PCNX4: variants seen among roughly 807,000 people sequenced by gnomAD.
The protein encoded by PCNX4 is pecanex-like protein 4.
Under a neutral mutation model 107.2 loss-of-function variants are expected in PCNX4, and 103 were observed. The ratio of observed to expected loss-of-function variants is 0.96; its 90% CI spans 0.82 to 1.13. PCNX4 has a LOEUF of 1.13. Ranked by LOEUF, PCNX4 falls within the 50% of genes most tolerant of loss-of-function variation. PCNX4 has a pLI of 0.00. For missense variants in PCNX4, 1,528 were observed against 1,379.4 expected, an observed-to-expected ratio of 1.11 and a Z score of -1.71; for synonymous variants, 541 against 481.7, an observed-to-expected ratio of 1.12 and a Z score of -1.61.
chr14:60,121,165 T>C lies in PCNX4; in HGVS notation c.1943-31T>C, dbSNP rs772950093. 82 of 1,458,354 alleles carry C rather than the reference T, an allele frequency of 5.6e-5. No individual in the cohort carries two copies. In the South Asian group the frequency reaches 8.0e-4, roughly 14 times the overall value. The allele number at this position is 1,458,354 out of a possible 1,614,324, so 90.3% of individuals were successfully genotyped here. ...AAGAAGTTTGAAAATGATTTTCTTT[T>C]TTTTTTTTTTTTTTTTCTAATTTGT... On this transcript the variant is annotated intron_variant, in intron 7 of 10. Transcript: ENST00000406854.
chr14:60,104,138 G>C lies in PCNX4; in HGVS notation c.-53-3448G>C, dbSNP rs1273096803. Reference sequence around the variant, plus strand: ...GTTCAAGACCAGCCTGACCAACATGGTGAAACCCCGTCTCCACTAAAAATA... The same window carrying C: ...GTTCAAGACCAGCCTGACCAACATGCTGAAACCCCGTCTCCACTAAAAATA... On this transcript the variant is annotated intron_variant, in intron 1 of 10. Coordinates refer to ENST00000406854, the MANE Select transcript of PCNX4 (RefSeq NM_001330177.2). Among the ~76,000 whole-genome samples, 5 of 152,020 alleles carry C rather than the reference G, an allele frequency of 3.3e-5. 1 individual carries two copies. The highest frequency in any genetic ancestry group is 2.0e-4 in the Admixed American group (3 of 15,258).
rs1271103244 is a variant in PCNX4 at position 60,124,411 on chromosome 14, T to C, written c.2240T>C (p.Ile747Thr). ...SDARNVLSGI[I>T]DSHENLKEFK... is the part of the protein sequence containing the mutation. ...GCCAGGAATGTTCTATCAGGCATAATTGATTCTCATGAAAACTTAAAAGAA... is the reference window on the plus strand; with the variant it reads ...GCCAGGAATGTTCTATCAGGCATAACTGATTCTCATGAAAACTTAAAAGAA... Residue 747 changes from isoleucine to threonine, a missense_variant, in exon 9 of 11, where the codon ATT becomes ACT. Physicochemically the swap from Ile to Thr is moderately conservative, Grantham distance 89. Transcript: ENST00000406854. 15 of 1,613,486 alleles carry C rather than the reference T, an allele frequency of 9.3e-6. No individual in the cohort carries two copies. The highest frequency in any genetic ancestry group is 2.2e-5 in the East Asian group (1 of 44,880).
chr14:60,121,106 C>G (rs758463808), intron 7 of PCNX4, 90 bp from the exon 8 acceptor site: 42 of 1,446,924 alleles, frequency 2.9e-5, no homozygotes, highest in Non-Finnish European at 3.6e-5. Context: ...TTCTAGATGT[C>G]TTTTTAGTTT....
Position 60,118,498 on chromosome 14 carries a change from C to A in PCNX4, c.1748C>A (p.Ser583Tyr). 6.2e-7 allele frequency: 1 copy of A among 1,613,694 alleles called. No individual in the cohort carries two copies. Among genetic ancestry groups the A allele is most frequent in the Non-Finnish European group, 8.5e-7 (1 of 1,179,786 alleles). ...SPFVLVIIVF[S>Y]TLLSSPLLPL... The stretch of plus-strand genomic sequence containing the variant: ...TTCGTGTTGGTCATCATAGTTTTTT[C>A]TACACTACTCTCTTCTCCCTTACTC... The change falls in exon 7 of 11, where the codon TCT (serine) becomes TAT (tyrosine). Residue 583 changes from serine to tyrosine, a missense_variant. Physicochemically the swap from Ser to Tyr is moderately radical, Grantham distance 144 (BLOSUM62 -2). Coordinates refer to ENST00000406854, the MANE Select transcript of PCNX4 (RefSeq NM_001330177.2).
At position 60,134,112 on chromosome 14, in the gene PCNX4, G is replaced by A; in HGVS notation, c.3410G>A (p.Ser1137Asn). ...YATNDDEERY[S>N]IQAHPLLLRN... ...ACAAACGATGATGAAGAACGTTATAGTATACAAGCTCATCCACTACTTTTA... is the reference window on the plus strand; with the variant it reads ...ACAAACGATGATGAAGAACGTTATAATATACAAGCTCATCCACTACTTTTA... Residue 1137 changes from serine to asparagine, a missense_variant, in exon 11 of 11, where the codon AGT becomes AAT. Ser to Asn is a conservative substitution (Grantham distance 46, BLOSUM62 1). Transcript: ENST00000406854. 1 of 1,613,798 alleles carries A rather than the reference G, an allele frequency of 6.2e-7. No homozygotes were observed. The highest frequency in any genetic ancestry group is 8.5e-7 in the Non-Finnish European group (1 of 1,179,786).
chr14:60,124,643 T>C lies in PCNX4; in HGVS notation c.2472T>C (p.Asp824=). ...NSETFNDWSD[D]NIFDDEPTIK... ...AAACTTTTAATGACTGGTCTGATGA[T>C]AATATTTTTGATGATGAGCCAACTA... Residue 824 remains aspartate (D), a synonymous_variant, in exon 9 of 11, where the codon GAT becomes GAC. Transcript: ENST00000406854. 6.2e-7 allele frequency: 1 copy of C among 1,613,766 alleles called. No individual in the cohort carries two copies. Among genetic ancestry groups the C allele is most frequent in the South Asian group, 1.1e-5 (1 of 91,080 alleles).
At chr14:60,130,483 G>A (rs1181733460) in intron 10 of PCNX4, among the ~76,000 whole-genome samples, 1 of 151,928 alleles carries the variant, frequency 6.6e-6, no homozygotes, top group African/African-American at 2.4e-5. Context: ...CATCATTATT[G>A]GTGAAGATTG....
intron 1 of PCNX4, among the ~76,000 whole-genome samples, chr14:60,100,624 A>G (rs1192312725): frequency 6.6e-6 from 1 of 152,206 alleles, no homozygotes; most frequent in Non-Finnish European, 1.5e-5. Context: ...AACCATATTC[A>G]TGAAACAATA....
intron 8 of PCNX4, among the ~76,000 whole-genome samples, chr14:60,121,810 G>A (rs1390363486): frequency 1.3e-5 from 2 of 152,080 alleles, no homozygotes; most frequent in Non-Finnish European, 2.9e-5. Flanking sequence ...CTCTTGTCAA[G>A]GTCTCTAGTG....
chr14:60,125,603 A>T, intron 9 of PCNX4, 34 bp from the exon 10 acceptor site: 1 of 1,368,304 alleles, frequency 7.3e-7, no homozygotes, highest in Non-Finnish European at 9.6e-7. Flanking sequence ...GACAGCAAAT[A>T]TTCTAAAATT....
At position 60,136,068 on chromosome 14, in the gene PCNX4, C is replaced by T. The variant is rs1896235947; in HGVS notation, c.*1847C>T. The T allele has an allele frequency of 6.6e-6, 1 of 151,832 alleles. No homozygotes were observed. The highest frequency in any genetic ancestry group is 1.5e-5 in the Non-Finnish European group (1 of 67,986). The allele number at this position is 151,832 out of a possible 1,614,324, so 9.4% of individuals were successfully genotyped here. Reference sequence around the variant, plus strand: ...TTTCTCTTTCATTTACTTGTCAAATCATTCCAATCTGGATCCCATCTCCAT... The same window carrying T: ...TTTCTCTTTCATTTACTTGTCAAATTATTCCAATCTGGATCCCATCTCCAT... On this transcript the variant is annotated 3_prime_UTR_variant, in exon 11 of 11. Transcript: ENST00000406854.
Position 60,106,550 on chromosome 14 carries a change from C to T in PCNX4, c.-53-1036C>T, listed in dbSNP as rs551624917. 5.9e-5 allele frequency among the ~76,000 whole-genome samples: 9 copies of T among 152,206 alleles called. No individual in the cohort carries two copies. The South Asian group carries it at 1.2e-3, about 21-fold the overall frequency. The stretch of plus-strand genomic sequence containing the variant: ...AGTTAAAGCTGTGATTCATTCTATG[C>T]GGAACTAAGACCAATGACTGGAAGA... On this transcript the variant is annotated intron_variant, in intron 1 of 10. Coordinates refer to ENST00000406854, the MANE Select transcript of PCNX4 (RefSeq NM_001330177.2).
intron 1 of PCNX4, among the ~76,000 whole-genome samples, chr14:60,095,605 C>T (rs902214601): frequency 1.3e-5 from 2 of 152,110 alleles, no homozygotes; most frequent in Admixed American, 6.5e-5. Context: ...TTTCACATTT[C>T]CCTTCTTTTT....
intron 1 of PCNX4, among the ~76,000 whole-genome samples, chr14:60,104,879 C>T (rs1895602182): frequency 6.6e-6 from 1 of 152,158 alleles, no homozygotes; most frequent in African/African-American, 2.4e-5. Flanking sequence ...GTATCAGCCC[C>T]TATGCCAAAT....
rs778393520 is a variant in PCNX4, at chr14:60,121,338, T to C, written c.2046+39T>C. On this transcript the variant is annotated intron_variant, in intron 8 of 10. Coordinates refer to ENST00000406854, the MANE Select transcript of PCNX4 (RefSeq NM_001330177.2). The stretch of plus-strand genomic sequence containing the variant: ...TAAAACATCTGTAGTATTTTTATAG[T>C]TCATGTGTAAAATTTTACCTGTTAT... 3.2e-6 allele frequency: 5 copies of C among 1,586,904 alleles called. No homozygotes were observed. The Admixed American group carries it at 9.0e-5, about 29-fold the overall frequency.
At chr14:60,098,581 G>C (rs1895470704) in intron 1 of PCNX4, among the ~76,000 whole-genome samples, 1 of 152,082 alleles carries the variant, frequency 6.6e-6, no homozygotes. Flanking sequence ...CTTTGGTTGG[G>C]GAGCGGGGTG....
At chr14:60,103,590 A>G (rs560991915) in intron 1 of PCNX4, among the ~76,000 whole-genome samples, 1 of 152,290 alleles carries the variant, frequency 6.6e-6, no homozygotes, top group East Asian at 1.9e-4. Flanking sequence ...GGGAACATAC[A>G]TTCTCTTTGT....
At position 60,104,250 on chromosome 14, in the gene PCNX4, C is replaced by T. The variant is rs190962402; in HGVS notation, c.-53-3336C>T. The stretch of plus-strand genomic sequence containing the variant: ...AGGAGAATCGCTTGAACCCAGGAGG[C>T]GGAGGTTGTGGTGAGCTGAGATCAC... On this transcript the variant is annotated intron_variant, in intron 1 of 10. Transcript: ENST00000406854. 1.6e-4 allele frequency among the ~76,000 whole-genome samples: 22 copies of T among 141,714 alleles called. No individual in the cohort carries two copies. In the East Asian group the frequency reaches 4.6e-3, roughly 30 times the overall value. 93.0% of individuals were successfully genotyped at this position (141,714 alleles called of 152,430 possible). A position where few individuals can be genotyped will look rare whatever the true frequency, so the allele number is the denominator to read the frequency against.
At chr14:60,130,794 A>T (rs1301938493) in intron 10 of PCNX4, among the ~76,000 whole-genome samples, 6 of 146,452 alleles carry the variant, frequency 4.1e-5, no homozygotes, top group Admixed American at 1.4e-4. Flanking sequence ...GAGAAATAGC[A>T]TTTTTTTTTT....
Sources: gnomAD v4.1 joint callset for allele counts (sites outside exome capture counted in the v4.1 genomes callset) on GRCh38, gnomAD v4.1.1 for gene constraint, MANE v1.5 for transcripts, NCBI Gene and HGNC (gene_info 2026-07-23, HGNC 2026-07-21) for gene names.